PARP4: variants seen among roughly 807,000 people sequenced by gnomAD.
PARP4 encodes poly(ADP-ribose) polymerase family member 4.
A neutral mutation model predicts 187.7 loss-of-function variants in PARP4; 120 were observed. That is an observed-to-expected ratio of 0.64 (90% confidence interval 0.55 to 0.74). PARP4 has a LOEUF of 0.74. PARP4 is among the 30% of genes least tolerant of loss of function. PARP4 has a pLI of 0.00. For synonymous variants in PARP4, 654 were observed against 740.9 expected (o/e 0.88, Z 1.90); for missense variants, 1,836 against 2,070.5 (o/e 0.89, Z 2.20).
At position 24,475,653 on chromosome 13, in the gene PARP4, A is replaced by G. The variant is rs1872947163; in HGVS notation, c.1790-57T>C. On this transcript the variant is annotated intron_variant, in intron 14 of 33. Transcript: ENST00000381989. ...AAAACCATCCCTGTCTATTTTTGTT[A>G]TCTTGATCTTTATTCCTTCTTCAAG... is the stretch of plus-strand genomic sequence containing the variant. 4.6e-6 allele frequency: 7 copies of G among 1,538,002 alleles called. No individual in the cohort carries two copies. In the African/African-American group the frequency reaches 5.5e-5, roughly 12 times the overall value.
At chr13:24,455,497 ATATATATAT>A (rs1282395293) in intron 21 of PARP4, among the ~76,000 whole-genome samples, 1 of 139,696 alleles carries the variant, frequency 7.2e-6, no homozygotes, top group African/African-American at 2.6e-5. Context: ...ATATATATAT[ATATATATAT>A]CACACTATTC....
intron 30 of PARP4, 95 bp downstream of exon 30, chr13:24,441,751 A>C: frequency 9.1e-7 from 1 of 1,098,364 alleles, no homozygotes; most frequent in Non-Finnish European, 1.3e-6. Flanking sequence ...TTCTTCATGT[A>C]CAGGTAAGAA....
intron 11 of PARP4, among the ~76,000 whole-genome samples, chr13:24,485,045 T>G (rs1873481538): frequency 6.6e-6 from 1 of 152,266 alleles, no homozygotes; most frequent in Admixed American, 6.5e-5. Context: ...ATTCTCCCAT[T>G]TTTCATTTAG....
chr13:24,469,995 T>C lies in PARP4; in HGVS notation c.1945A>G (p.Ser649Gly). The C allele has an allele frequency of 6.2e-7, 1 of 1,613,728 alleles. No homozygotes were observed. The highest frequency in any genetic ancestry group is 8.5e-7 in the Non-Finnish European group (1 of 1,179,702). The change falls in exon 16 of 34, where the codon AGT (serine) becomes GGT (glycine). Residue 649 changes from serine to glycine, a missense_variant. Around this residue, in one of 8 missense-constraint regions of PARP4, gnomAD observed 1,147 missense variants for 1,214.2 expected, o/e 0.94. Transcript: ENST00000381989. ...VIVFQTYTNKSHVPIEAKYIF... is the reference protein window; with the variant it reads ...VIVFQTYTNKGHVPIEAKYIF... ...TATTTTGCCTCAATGGGCACGTGACTTTTATTTGTGTATGTCTGAAAAACA... is the reference window on the plus strand; with the variant it reads ...TATTTTGCCTCAATGGGCACGTGACCTTTATTTGTGTATGTCTGAAAAACA...
In PARP4 at chr13:24,505,003, C is replaced by CTTTT. The variant is rs34271210; in HGVS notation, c.-1-1230_-1-1227dup. Among the ~76,000 whole-genome samples the CTTTT allele has an allele frequency of 2.0e-3, 260 of 129,752 alleles. 3 individuals carry two copies. Among genetic ancestry groups the CTTTT allele is most frequent in the African/African-American group, 5.9e-3 (204 of 34,370 alleles). 85.1% of individuals were successfully genotyped at this position (129,752 alleles called of 152,430 possible). ...AGCCACCGCACCTGGCACACCCCCG[C>CTTTT]TTTTTTTTTTTTTTTTTTGAGTCAG... On this transcript the variant is annotated intron_variant, in intron 1 of 33. Coordinates refer to ENST00000381989, the MANE Select transcript of PARP4 (RefSeq NM_006437.4).
chr13:24,448,489 T>G (rs1871328959), intron 25 of PARP4, among the ~76,000 whole-genome samples: 1 of 148,632 alleles, frequency 6.7e-6, no homozygotes, highest in Non-Finnish European at 1.5e-5. Flanking sequence ...TTGGTGAGGA[T>G]GTGGAAAAAC....
intron 2 of PARP4, 101 bp downstream of exon 2, chr13:24,503,544 C>A (rs1402911886): frequency 5.3e-5 from 73 of 1,376,136 alleles, no homozygotes; most frequent in Admixed American, 1.7e-5. Context: ...AGCTCACTCA[C>A]TCTCTCCTGC....
At chr13:24,489,138 T>C (rs1868482818) in intron 10 of PARP4, among the ~76,000 whole-genome samples, 1 of 152,190 alleles carries the variant, frequency 6.6e-6, no homozygotes, top group Non-Finnish European at 1.5e-5. Context: ...TTTGAGTACT[T>C]GCTTTCAATT....
intron 16 of PARP4, 130 bp downstream of exon 16, chr13:24,469,764 G>GA: frequency 1.0e-6 from 1 of 958,592 alleles, no homozygotes; most frequent in Non-Finnish European, 1.5e-6. Context: ...ATTCTTCAAA[G>GA]AATATTCTCG....
At chr13:24,509,093 G>T (rs761318370) in intron 1 of PARP4, among the ~76,000 whole-genome samples, 8 of 152,046 alleles carry the variant, frequency 5.3e-5, no homozygotes, top group Non-Finnish European at 1.0e-4. Context: ...ATCAAAGTTT[G>T]AACAATTTTT....
At position 24,478,122 on chromosome 13, in the gene PARP4, G is replaced by A; in HGVS notation, c.1603C>T (p.Gln535Ter). The A allele has an allele frequency of 1.9e-6, 3 of 1,607,212 alleles. No individual in the cohort carries two copies. Among genetic ancestry groups the A allele is most frequent in the Non-Finnish European group, 2.5e-6 (3 of 1,176,778 alleles). Residue 535 changes from glutamine to a stop codon, truncating the protein, a stop_gained, in exon 13 of 34, where the codon CAA becomes TAA. Coordinates refer to ENST00000381989, the MANE Select transcript of PARP4 (RefSeq NM_006437.4). LOFTEE classifies it high-confidence loss of function. ...PGYDSVHGVS[Q>*]TASVTTDFED... ...AAGTCTGTGGTGACAGAGGCTGTTT[G>A]CGAAACTCCATGCACACTGTCGTAG...
chr13:24,462,236 C>T (rs569259208), intron 17 of PARP4, among the ~76,000 whole-genome samples: 2 of 152,262 alleles, frequency 1.3e-5, no homozygotes, highest in South Asian at 4.1e-4. Context: ...GGACAGTGTG[C>T]AGAGTCTGCT....
chr13:24,444,107 C>T (rs1403978643), intron 27 of PARP4, among the ~76,000 whole-genome samples: 1 of 152,260 alleles, frequency 6.6e-6, no homozygotes. Flanking sequence ...CTGGGATGCC[C>T]GTCCGTGAAC....
Position 24,435,382 on chromosome 13 carries a change from A to T in PARP4, c.3759T>A (p.Ser1253=). Residue 1253 remains serine, a synonymous_variant, in exon 31 of 34, where the codon TCT becomes TCA. Transcript: ENST00000381989. ...IPFSKRKMEL[S]QPEVSEDFEE... ...CAAAATCTTCAGAAACTTCTGGCTGAGATAATTCCATTTTTCTTTTGGAAA... is the reference window on the plus strand; with the variant it reads ...CAAAATCTTCAGAAACTTCTGGCTGTGATAATTCCATTTTTCTTTTGGAAA... 1 of 1,612,320 alleles carries T rather than the reference A, an allele frequency of 6.2e-7. No homozygotes were observed. Among genetic ancestry groups the T allele is most frequent in the Non-Finnish European group, 8.5e-7 (1 of 1,179,880 alleles).
intron 2 of PARP4, 86 bp downstream of exon 2, chr13:24,503,559 A>T: frequency 6.8e-7 from 1 of 1,465,044 alleles, no homozygotes; most frequent in Non-Finnish European, 9.5e-7. Context: ...TCCTGCTGCT[A>T]ATCTCTGCTT....
chr13:24,489,289 C>T (rs1157878512), intron 10 of PARP4, among the ~76,000 whole-genome samples: 1 of 152,150 alleles, frequency 6.6e-6, no homozygotes, highest in East Asian at 1.9e-4. Flanking sequence ...TCTATATCCT[C>T]ACCAACACTT....
At position 24,455,056 on chromosome 13, in the gene PARP4, C is replaced by A; in HGVS notation, c.2719G>T (p.Gly907Cys). 6.2e-7 allele frequency: 1 copy of A among 1,610,366 alleles called. No individual in the cohort carries two copies. Residue 907 changes from glycine to cysteine, a missense_variant, in exon 22 of 34, where the codon GGT becomes TGT. Physicochemically the swap from Gly to Cys is radical, Grantham distance 159 (BLOSUM62 -3). This residue lies in a region of PARP4 where 1,147 missense variants were observed against 1,214.2 expected (regional missense o/e 0.94). Coordinates refer to ENST00000381989, the MANE Select transcript of PARP4 (RefSeq NM_006437.4). ...ATAATATTTACTTTCTGCTTCTCAC[C>A]CACCAAGGACAGCGCATGCAAGGCG... ...QIALHALSLV[G>C]EKQKVNIIQF... is the part of the protein sequence containing the mutation.
chr13:24,465,234 T>C (rs9507352), intron 17 of PARP4, among the ~76,000 whole-genome samples: 43,941 of 152,042 alleles, frequency 0.29, 7,171 homozygotes, highest in South Asian at 0.46. Flanking sequence ...GTGTGGGTCT[T>C]CCTCAAAGAC....
At chr13:24,508,424 A>T (rs1869825662) in intron 1 of PARP4, among the ~76,000 whole-genome samples, 1 of 152,232 alleles carries the variant, frequency 6.6e-6, no homozygotes, top group African/African-American at 2.4e-5. Context: ...TATAACAGAA[A>T]AAAAAAGAAC....
Sources: gnomAD v4.1 joint callset for allele counts (sites outside exome capture counted in the v4.1 genomes callset) on GRCh38, gnomAD v4.1.1 for gene constraint, gnomAD v4.1.1 regional missense constraint, MANE v1.5 for transcripts, NCBI Gene and HGNC (gene_info 2026-07-23, HGNC 2026-07-21) for gene names.